The following HACD2 variants were observed in gnomAD, a reference collection of about 807,000 sequenced individuals.
The protein encoded by HACD2 is very-long-chain (3R)-3-hydroxyacyl-CoA dehydratase 2.
HACD2 carries 15 observed loss-of-function variants against 31.0 expected under a neutral mutation model. The ratio of observed to expected loss-of-function variants is 0.48; its 90% CI spans 0.32 to 0.75. The LOEUF (loss-of-function observed/expected upper bound fraction) is 0.75. Among genes scored for constraint, HACD2 ranks in the 30% least tolerant of loss-of-function variants. The pLI is 0.03. For synonymous variants in HACD2, 115 were observed against 122.2 expected (o/e 0.94, Z 0.39); for missense variants, 283 against 313.0 (o/e 0.90, Z 0.72).
At chr3:123,559,919 T>C (rs1041933177) in intron 3 of HACD2, among the ~76,000 whole-genome samples, 1 of 152,184 alleles carries the variant, frequency 6.6e-6, no homozygotes, top group Non-Finnish European at 1.5e-5. Context: ...TATACCTGGG[T>C]AAGTCTTCCA....
chr3:123,508,805 G>A (rs1447214815), intron 4 of HACD2, among the ~76,000 whole-genome samples: 1 of 152,162 alleles, frequency 6.6e-6, no homozygotes, highest in Non-Finnish European at 1.5e-5. Context: ...TTAAACAAGA[G>A]AAAAGTATTT....
chr3:123,513,308 AT>A (rs1430722075), intron 4 of HACD2, among the ~76,000 whole-genome samples: 8 of 152,252 alleles, frequency 5.3e-5, no homozygotes, highest in African/African-American at 1.9e-4. Context: ...GACAGTTGCC[AT>A]TTGATAACCA....
rs58761061 is a variant in HACD2, at chr3:123,563,644, TACACAC to T, written c.292+4112_292+4117del. Among the ~76,000 whole-genome samples the T allele has an allele frequency of 5.4e-3, 607 of 112,068 alleles. 4 individuals are homozygous for T. Among genetic ancestry groups the T allele is most frequent in the East Asian group, 0.039 (144 of 3,712 alleles). 73.5% of individuals were successfully genotyped at this position (112,068 alleles called of 152,430 possible). The stretch of plus-strand genomic sequence containing the variant: ...TTTTGAATTGACAAAAAAATATATA[TACACAC>T]ACACACACACACACACACACACACA... On this transcript the variant is annotated intron_variant, in intron 3 of 6. Coordinates refer to ENST00000383657, the MANE Select transcript of HACD2 (RefSeq NM_198402.5).
chr3:123,528,081 C>T (rs909715850), intron 4 of HACD2, among the ~76,000 whole-genome samples: 8 of 152,096 alleles, frequency 5.3e-5, no homozygotes, highest in South Asian at 2.1e-4. Context: ...CAACATGATA[C>T]GAACAAGATA....
chr3:123,502,625 G>C lies in HACD2; in HGVS notation c.438C>G (p.Ile146Met). The change falls in exon 5 of 7, where the codon ATC (isoleucine) becomes ATG (methionine). Residue 146 changes from isoleucine (I) to methionine (M), a missense_variant. Coordinates refer to ENST00000383657, the MANE Select transcript of HACD2 (RefSeq NM_198402.5). ...LFVIAWTITE[I>M]IRYSFYTFSL... ...TGAATGTATAAAAGGAGTAACGGAT[G>C]ATTTCCGTGATCGTCCATGCAATAA... 6.2e-7 allele frequency: 1 copy of C among 1,607,814 alleles called. No individual in the cohort carries two copies. The highest frequency in any genetic ancestry group is 1.7e-4 in the Middle Eastern group (1 of 6,060).
At chr3:123,556,087 C>T (rs747671238) in intron 3 of HACD2, among the ~76,000 whole-genome samples, 2 of 152,142 alleles carry the variant, frequency 1.3e-5, no homozygotes, top group Non-Finnish European at 2.9e-5. Context: ...GGGAGGATCA[C>T]CTGAGGCCAG....
chr3:123,499,578 T>A, intron 6 of HACD2: 1 of 451,040 alleles, frequency 2.2e-6, no homozygotes, highest in Non-Finnish European at 4.4e-6. Flanking sequence ...TGTCGCTTTG[T>A]TAGGGTGATT....
chr3:123,578,697 T>G (rs1576247002), intron 2 of HACD2, among the ~76,000 whole-genome samples: 1 of 152,218 alleles, frequency 6.6e-6, no homozygotes, highest in South Asian at 2.1e-4. Context: ...ACAAGTAATT[T>G]CGATTTCCTT....
chr3:123,513,565 T>C (rs895342245), intron 4 of HACD2, among the ~76,000 whole-genome samples: 3 of 152,042 alleles, frequency 2.0e-5, no homozygotes, highest in Non-Finnish European at 4.4e-5. Context: ...CTCTTTAAAA[T>C]TGACACAAGG....
chr3:123,582,416 T>C (rs2056975747), intron 1 of HACD2, 87 bp from the exon 2 acceptor site: 1 of 869,658 alleles, frequency 1.1e-6, no homozygotes, highest in African/African-American at 1.7e-5. Context: ...CAATAAAAGA[T>C]ATTGCTAAAG....
chr3:123,514,146 G>A (rs2107692220), intron 4 of HACD2, among the ~76,000 whole-genome samples: 1 of 152,190 alleles, frequency 6.6e-6, no homozygotes, highest in South Asian at 2.1e-4. Context: ...GTGGTGGCAA[G>A]CGCCTGTGGT....
At chr3:123,548,458 A>G (rs2056584088) in intron 3 of HACD2, among the ~76,000 whole-genome samples, 1 of 152,136 alleles carries the variant, frequency 6.6e-6, no homozygotes, top group South Asian at 2.1e-4. Context: ...GGCCAGAACT[A>G]CTCACCTAAA....
At position 123,510,341 on chromosome 3, in the gene HACD2, G is replaced by T. The variant is rs188556741; in HGVS notation, c.382-7660C>A. ...CGGCTCACTGAAACCTCCACCTCCC[G>T]GGTTCAAGTGATTCTCCTGCCTCAG... On this transcript the variant is annotated intron_variant, in intron 4 of 6. Coordinates refer to ENST00000383657, the MANE Select transcript of HACD2 (RefSeq NM_198402.5). Among the ~76,000 whole-genome samples the T allele has an allele frequency of 4.2e-3, 641 of 152,274 alleles. 3 individuals are homozygous for T. Among genetic ancestry groups the T allele is most frequent in the African/African-American group, 0.015 (608 of 41,548 alleles).
At chr3:123,545,499 A>G (rs1245914706) in intron 3 of HACD2, among the ~76,000 whole-genome samples, 1 of 144,206 alleles carries the variant, frequency 6.9e-6, no homozygotes, top group East Asian at 2.0e-4. Flanking sequence ...ATAAATAAAT[A>G]AATAAATAAA....
At chr3:123,501,551 C>T (rs916215263) in intron 5 of HACD2, among the ~76,000 whole-genome samples, 2 of 152,200 alleles carry the variant, frequency 1.3e-5, no homozygotes, top group African/African-American at 4.8e-5. Context: ...GACATATTCC[C>T]CACTGCCAAT....
chr3:123,548,540 GAT>G (rs2056584765), intron 3 of HACD2, among the ~76,000 whole-genome samples: 1 of 152,178 alleles, frequency 6.6e-6, no homozygotes, highest in Non-Finnish European at 1.5e-5. Flanking sequence ...TAAGTTGTAA[GAT>G]ATGTTTTAAT....
Position 123,493,981 on chromosome 3 carries a change from A to G in HACD2, c.*907T>C, listed in dbSNP as rs1487289425. The stretch of plus-strand genomic sequence containing the variant: ...GCAACACCTTCCATGTGCTTTCACT[A>G]ACACAGCCTCCTTTCCTATGTGACT... On this transcript the variant is annotated 3_prime_UTR_variant, in exon 7 of 7. Coordinates refer to ENST00000383657, the MANE Select transcript of HACD2 (RefSeq NM_198402.5). 1 of 152,242 alleles carries G rather than the reference A, an allele frequency of 6.6e-6. No homozygotes were observed. Among genetic ancestry groups the G allele is most frequent in the African/African-American group, 2.4e-5 (1 of 41,452 alleles). The allele number at this position is 152,242 out of a possible 1,614,324, so 9.4% of individuals were successfully genotyped here. A position where few individuals can be genotyped will look rare whatever the true frequency, so the allele number is the denominator to read the frequency against.
intron 2 of HACD2, 91 bp downstream of exon 2, chr3:123,582,121 C>T (rs545158973): frequency 2.5e-6 from 2 of 789,274 alleles, no homozygotes; most frequent in South Asian, 6.3e-5. Context: ...AACATGAATC[C>T]AAAGGGGGTA....
chr3:123,502,454 G>A (rs1392838163), intron 5 of HACD2, 106 bp downstream of exon 5: 29 of 1,200,404 alleles, frequency 2.4e-5, no homozygotes, highest in African/African-American at 7.6e-5. Context: ...TACCCAACCC[G>A]TCTCAATTTT....
Sources: gnomAD v4.1 joint callset for allele counts (sites outside exome capture counted in the v4.1 genomes callset) on GRCh38, gnomAD v4.1.1 for gene constraint, MANE v1.5 for transcripts, NCBI Gene and HGNC (gene_info 2026-07-23, HGNC 2026-07-21) for gene names.